Variants in GRIA1 observed in about 807,000 individuals in gnomAD.
The protein encoded by GRIA1 is glutamate ionotropic receptor AMPA type subunit 1.
In GRIA1, 31 loss-of-function variants were observed where a neutral mutation model predicts 99.2. The ratio of observed to expected loss-of-function variants is 0.31; its 90% CI spans 0.23 to 0.42. The LOEUF (loss-of-function observed/expected upper bound fraction) is 0.42, where lower values mean the gene tolerates loss of function less well. Ranked by LOEUF, GRIA1 falls within the 10% of genes least tolerant of loss-of-function variation. The pLI is 1.00. For synonymous variants in GRIA1, 438 were observed against 432.4 expected, an observed-to-expected ratio of 1.01 and a Z score of -0.16; for missense variants, 782 against 1,157.5, an observed-to-expected ratio of 0.68 and a Z score of 4.71.
At chr5:153,676,445 A>T (rs1251390658) in intron 6 of GRIA1, among the ~76,000 whole-genome samples, 1 of 152,208 alleles carries the variant, frequency 6.6e-6, no homozygotes, top group Non-Finnish European at 1.5e-5. Context: ...AGTTTACAGG[A>T]TATAAACTTA....
rs764532419 is a variant in GRIA1 at position 153,677,181 on chromosome 5, C to T, written c.1029+20C>T. ...CAGCAGGTAAGACCACCAATGTTTG[C>T]CCCATCTCATAGGAGCCTACTGGGG... On this transcript the variant is annotated intron_variant, in intron 7 of 15. Coordinates refer to ENST00000285900, the MANE Select transcript of GRIA1 (RefSeq NM_000827.4). 7.0e-7 allele frequency: 1 copy of T among 1,423,908 alleles called. No individual in the cohort carries two copies. The highest frequency in any genetic ancestry group is 2.4e-5 in the Admixed American group (1 of 42,108). 88.2% of individuals were successfully genotyped at this position (1,423,908 alleles called of 1,614,324 possible). A position where few individuals can be genotyped will look rare whatever the true frequency, so the allele number is the denominator to read the frequency against.
At chr5:153,533,422 T>C (rs1758265025) in intron 2 of GRIA1, among the ~76,000 whole-genome samples, 1 of 151,690 alleles carries the variant, frequency 6.6e-6, no homozygotes, top group East Asian at 1.9e-4. Context: ...GAAAGAGAGG[T>C]ACAAGGAAGA....
chr5:153,661,783 G>A lies in GRIA1; in HGVS notation c.699+5911G>A, dbSNP rs140399058. On this transcript the variant is annotated intron_variant, in intron 5 of 15. Transcript: ENST00000285900. Reference sequence around the variant, plus strand: ...ACCTATGCTAGAAGAAGTAGAGGTAGTAGGAATATGAATTTAGTTATGAAT... The same window carrying A: ...ACCTATGCTAGAAGAAGTAGAGGTAATAGGAATATGAATTTAGTTATGAAT... Among the ~76,000 whole-genome samples, 374 of 152,316 alleles carry A rather than the reference G, an allele frequency of 2.5e-3. 4 individuals carry two copies. The highest frequency in any genetic ancestry group is 8.9e-3 in the African/African-American group (368 of 41,564).
At chr5:153,568,819 A>C (rs1321861701) in intron 2 of GRIA1, among the ~76,000 whole-genome samples, 1 of 152,190 alleles carries the variant, frequency 6.6e-6, no homozygotes, top group East Asian at 1.9e-4. Context: ...CTTCAGAGTA[A>C]AATTCACATT....
intron 2 of GRIA1, among the ~76,000 whole-genome samples, chr5:153,645,700 A>G (rs953059787): frequency 1.3e-5 from 2 of 152,174 alleles, no homozygotes; most frequent in African/African-American, 4.8e-5. Context: ...CAATGGTCGC[A>G]TACTGTAATT....
At chr5:153,590,553 T>C (rs1212597740) in intron 2 of GRIA1, among the ~76,000 whole-genome samples, 3 of 150,534 alleles carry the variant, frequency 2.0e-5, no homozygotes, top group African/African-American at 4.9e-5. Flanking sequence ...TGTGTGTGTG[T>C]TACAATATAT....
Position 153,650,327 on chromosome 5 carries a change from T to A in GRIA1, c.461-3T>A, listed in dbSNP as rs766534947. The A allele has an allele frequency of 3.1e-6, 5 of 1,612,920 alleles. No homozygotes were observed. The African/African-American group carries it at 5.3e-5, about 17-fold the overall frequency. ...ATTTCTCTTCTACTCATCTGAACTT[T>A]AGGCTTATCCGTCCTGCAGAAAGTC... On this transcript the variant is annotated splice_region_variant and splice_polypyrimidine_tract_variant and intron_variant, in intron 3 of 15. Transcript: ENST00000285900.
chr5:153,795,575 G>A, intron 14 of GRIA1: 1 of 1,605,134 alleles, frequency 6.2e-7, no homozygotes, highest in South Asian at 1.1e-5. Context: ...GTGGAAGCAA[G>A]GACTCCGGAA....
intron 11 of GRIA1, among the ~76,000 whole-genome samples, chr5:153,724,015 C>T (rs1481853100): frequency 1.3e-5 from 2 of 152,198 alleles, no homozygotes. Flanking sequence ...CAGGCTGATA[C>T]CTCACACGGC....
chr5:153,582,143 T>C (rs1763099868), intron 2 of GRIA1, among the ~76,000 whole-genome samples: 1 of 152,214 alleles, frequency 6.6e-6, no homozygotes, highest in South Asian at 2.1e-4. Flanking sequence ...TATTATCCAA[T>C]GAATATTTGT....
intron 8 of GRIA1, among the ~76,000 whole-genome samples, chr5:153,689,022 T>C (rs938170890): frequency 6.6e-6 from 1 of 152,006 alleles, no homozygotes; most frequent in Non-Finnish European, 1.5e-5. Context: ...CCCCAGGCTT[T>C]TTTTTCTTTC....
At chr5:153,662,592 T>A (rs987624969) in intron 5 of GRIA1, among the ~76,000 whole-genome samples, 9 of 152,060 alleles carry the variant, frequency 5.9e-5, no homozygotes, top group African/African-American at 2.2e-4. Context: ...TCCAGCGGAG[T>A]GAGAGCTGAA....
chr5:153,677,978 G>A lies in GRIA1; in HGVS notation c.1029+817G>A, dbSNP rs140137570. Among the ~76,000 whole-genome samples, 453 of 152,300 alleles carry A rather than the reference G, an allele frequency of 3.0e-3. 5 individuals carry two copies. The highest frequency in any genetic ancestry group is 0.017 in the South Asian group (82 of 4,820). On this transcript the variant is annotated intron_variant, in intron 7 of 15. Transcript: ENST00000285900. ...TGTTCTGATGCCTCCTGCTAGAGAA[G>A]CTGTATTTCCGAAGGGACAGGGAGA...
chr5:153,528,345 G>C (rs908909487), intron 2 of GRIA1, among the ~76,000 whole-genome samples: 6 of 152,066 alleles, frequency 3.9e-5, no homozygotes, highest in African/African-American at 1.4e-4. Flanking sequence ...GTGTCTTTCA[G>C]GATTATAGCC....
intron 8 of GRIA1, among the ~76,000 whole-genome samples, chr5:153,693,327 C>T (rs1293587508): frequency 6.6e-6 from 1 of 152,176 alleles, no homozygotes; most frequent in Non-Finnish European, 1.5e-5. Flanking sequence ...AATGTCATTG[C>T]TGGCCAGGTA....
chr5:153,780,345 G>A (rs771234698), intron 13 of GRIA1, among the ~76,000 whole-genome samples: 2 of 152,154 alleles, frequency 1.3e-5, no homozygotes, highest in African/African-American at 2.4e-5. Flanking sequence ...CCGCATTTAC[G>A]ACCCATGTGA....
chr5:153,684,294 A>T, intron 7 of GRIA1, among the ~76,000 whole-genome samples: 1 of 152,228 alleles, frequency 6.6e-6, no homozygotes, highest in East Asian at 1.9e-4. Context: ...ACCATTAACA[A>T]CAATAATAAT....
At position 153,656,383 on chromosome 5, in the gene GRIA1, T is replaced by TATATATATATATATATATATA. The variant is rs1754951606; in HGVS notation, c.699+511_699+512insATATATATATATATATATATA. 2.6e-4 allele frequency among the ~76,000 whole-genome samples: 24 copies of TATATATATATATATATATATA among 92,660 alleles called. 1 individual carries two copies. Among genetic ancestry groups the TATATATATATATATATATATA allele is most frequent in the South Asian group, 1.7e-3 (5 of 2,922 alleles). The allele number at this position is 92,660 out of a possible 152,430, so 60.8% of individuals were successfully genotyped here. ...TTCTATATGGCATAGATAAGTTTGTTTATATATATATATATATATATATAT... is the reference window on the plus strand; with the variant it reads ...TTCTATATGGCATAGATAAGTTTGTTATATATATATATATATATATATATATATATATATATATATATATAT... On this transcript the variant is annotated intron_variant, in intron 5 of 15. Coordinates refer to ENST00000285900, the MANE Select transcript of GRIA1 (RefSeq NM_000827.4).
chr5:153,746,077 A>T (rs1174410792), intron 11 of GRIA1, among the ~76,000 whole-genome samples: 1 of 152,222 alleles, frequency 6.6e-6, no homozygotes, highest in African/African-American at 2.4e-5. Context: ...GCCCAAAATC[A>T]CACAAGTTAA....
Sources: allele counts gnomAD v4.1 joint callset (sites outside exome capture counted in the v4.1 genomes callset), GRCh38; gene constraint gnomAD v4.1.1; transcripts MANE v1.5; gene names NCBI Gene and HGNC (gene_info 2026-07-23, HGNC 2026-07-21).